CSPP1: variants seen among roughly 807,000 people sequenced by gnomAD.
CSPP1 encodes the protein centrosome and spindle pole-associated protein 1.
Under a neutral mutation model 164.4 loss-of-function variants are expected in CSPP1, and 126 were observed. The observed-to-expected ratio is 0.77, with a 90% CI of 0.66 to 0.89. The LOEUF is 0.89. Among genes scored for constraint, CSPP1 ranks in the 40% least tolerant of loss-of-function variants. The probability of loss-of-function intolerance (pLI) is 0.00; values close to 1 mark genes in which losing one functional copy is unlikely to be tolerated. For missense variants in CSPP1, 1,395 were observed against 1,449.8 expected, an observed-to-expected ratio of 0.96 and a Z score of 0.61; for synonymous variants, 472 against 476.7, an observed-to-expected ratio of 0.99 and a Z score of 0.13.
chr8:67,069,235 G>A (rs1183234524), intron 1 of CSPP1: 1 of 152,148 alleles, frequency 6.6e-6, no homozygotes, highest in African/African-American at 2.4e-5. Flanking sequence ...AAGCTCATTA[G>A]TGTCTTTGAC....
chr8:67,156,043 G>A (rs918757670), intron 19 of CSPP1, among the ~76,000 whole-genome samples: 1 of 152,162 alleles, frequency 6.6e-6, no homozygotes, highest in African/African-American at 2.4e-5. Flanking sequence ...GACCATGACA[G>A]CAGGTCATAA....
chr8:67,177,970 C>T lies in CSPP1; in HGVS notation c.3156+244C>T, dbSNP rs1473816318. 3.3e-5 allele frequency among the ~76,000 whole-genome samples: 5 copies of T among 152,142 alleles called. No homozygotes were observed. The East Asian group carries it at 9.6e-4, about 29-fold the overall frequency. On this transcript the variant is annotated intron_variant, in intron 27 of 30. Coordinates refer to ENST00000678616, the MANE Select transcript of CSPP1 (RefSeq NM_001382391.1). ...AGTGAGTCTATTTTTAGCTGCGTGA[C>T]TTAGGGCAAGTTATTTAATCTCTTT...
chr8:67,149,094 C>T (rs1476776914), intron 17 of CSPP1, among the ~76,000 whole-genome samples: 1 of 152,136 alleles, frequency 6.6e-6, no homozygotes, highest in Non-Finnish European at 1.5e-5. Flanking sequence ...TTCAATATGG[C>T]TCCCTCACAT....
intron 15 of CSPP1, among the ~76,000 whole-genome samples, chr8:67,127,799 AAT>A (rs1226473989): frequency 1.3e-5 from 2 of 152,162 alleles, no homozygotes; most frequent in East Asian, 3.8e-4. Flanking sequence ...TTCTCTGTTA[AAT>A]TTTTCTGAAG....
intron 14 of CSPP1, 120 bp from the exon 15 acceptor site, chr8:67,118,623 T>C (rs1030499765): frequency 2.6e-6 from 2 of 757,974 alleles, no homozygotes; most frequent in Non-Finnish European, 2.1e-6. Context: ...CAGAAGGAAA[T>C]ATTGATGGTT....
intron 14 of CSPP1, 145 bp from the exon 15 acceptor site, chr8:67,118,598 T>C (rs557700477): frequency 2.8e-6 from 2 of 720,882 alleles, no homozygotes; most frequent in Admixed American, 6.0e-5. Flanking sequence ...TGTTGTTCTT[T>C]GCTAACTTCT....
intron 17 of CSPP1, among the ~76,000 whole-genome samples, chr8:67,140,775 T>C (rs146801660): frequency 1.3e-5 from 2 of 152,316 alleles, no homozygotes; most frequent in Admixed American, 1.3e-4. Context: ...TTTGGGTGGT[T>C]CTCCTCCAAG....
chr8:67,146,046 T>G (rs1248702703), intron 17 of CSPP1, among the ~76,000 whole-genome samples: 1 of 152,132 alleles, frequency 6.6e-6, no homozygotes, highest in Non-Finnish European at 1.5e-5. Context: ...ATTTTCCAAG[T>G]ATCAGGGGAT....
chr8:67,088,541 G>T (rs1810902554), intron 4 of CSPP1, among the ~76,000 whole-genome samples: 1 of 150,328 alleles, frequency 6.7e-6, no homozygotes, highest in African/African-American at 2.4e-5. Context: ...GCCCACTTCG[G>T]CCTCCTAAAG....
intron 15 of CSPP1, among the ~76,000 whole-genome samples, chr8:67,122,368 C>A (rs908709036): frequency 4.6e-5 from 7 of 152,132 alleles, no homozygotes; most frequent in Non-Finnish European, 8.8e-5. Context: ...TGTATACTTA[C>A]AACTATAAGC....
Position 67,195,494 on chromosome 8 carries a change from G to A in CSPP1, c.3582G>A (p.Leu1194=), listed in dbSNP as rs1563816646. 1.2e-6 allele frequency: 2 copies of A among 1,614,090 alleles called. No individual in the cohort carries two copies. The highest frequency in any genetic ancestry group is 2.7e-5 in the African/African-American group (2 of 74,938). The change falls in exon 31 of 31, where the codon CTG becomes CTA. Residue 1194 remains leucine (L), a synonymous_variant. Coordinates refer to ENST00000678616, the MANE Select transcript of CSPP1 (RefSeq NM_001382391.1). ...PWLRPGTSET[L]KRFMAEQLNQ... The stretch of plus-strand genomic sequence containing the variant: ...TCCGCCCTGGCACTTCAGAAACGCT[G>A]AAACGTTTCATGGCAGAGCAGCTGA...
At chr8:67,171,972 C>T (rs541208675) in intron 24 of CSPP1, among the ~76,000 whole-genome samples, 42 of 152,064 alleles carry the variant, frequency 2.8e-4, no homozygotes, top group Non-Finnish European at 5.3e-4. Context: ...CTCAGCCTCC[C>T]GAGTAGCTGG....
At chr8:67,172,359 G>A in intron 24 of CSPP1, 57 bp from the exon 25 acceptor site, 1 of 1,398,818 alleles carries the variant, frequency 7.1e-7, no homozygotes, top group Non-Finnish European at 1.0e-6. Context: ...TGAATTAGAT[G>A]TGAACTCACC....
At chr8:67,159,966 C>CTTTTCTTTTCTT in intron 21 of CSPP1, among the ~76,000 whole-genome samples, 1 of 41,336 alleles carries the variant, frequency 2.4e-5, no homozygotes, top group Non-Finnish European at 3.8e-5. Context: ...TCTTTCTTTT[C>CTTTTCTTTTCTT]TTTTCTTTTC....
At chr8:67,143,470 A>G (rs909372729) in intron 17 of CSPP1, among the ~76,000 whole-genome samples, 7 of 152,114 alleles carry the variant, frequency 4.6e-5, no homozygotes, top group Non-Finnish European at 1.0e-4. Flanking sequence ...CATGTCAAGC[A>G]TGGTGGCATT....
intron 17 of CSPP1, among the ~76,000 whole-genome samples, chr8:67,145,002 G>T (rs564437812): frequency 5.3e-4 from 80 of 151,378 alleles, no homozygotes; most frequent in Non-Finnish European, 9.7e-4. Context: ...AACCCAGGAG[G>T]TGGAGGTTGC....
At chr8:67,089,774 T>G (rs887683077) in intron 4 of CSPP1, among the ~76,000 whole-genome samples, 8 of 152,134 alleles carry the variant, frequency 5.3e-5, no homozygotes, top group African/African-American at 1.9e-4. Context: ...AAACTCACTA[T>G]GTTGTTCTTT....
In CSPP1 at chr8:67,154,036, C is replaced by G; in HGVS notation, c.2141C>G (p.Thr714Arg). 1 of 1,586,824 alleles carries G rather than the reference C, an allele frequency of 6.3e-7. No homozygotes were observed. Residue 714 changes from threonine to arginine, a missense_variant, in exon 19 of 31, where the codon ACA (threonine) becomes AGA (arginine). Coordinates refer to ENST00000678616, the MANE Select transcript of CSPP1 (RefSeq NM_001382391.1). ...AANKSSGHMQ[T>R]QSSPFARGNV... ...TATTTCTTTCAAGGTCATATGCAAA[C>G]ACAGAGCTCTCCTTTTGCTCGGGGA... is the stretch of plus-strand genomic sequence containing the variant.
In CSPP1 at chr8:67,195,792, ATAGAT is replaced by A. The variant is rs1432693867; in HGVS notation, c.*202_*206del. The A allele has an allele frequency of 1.8e-6, 1 of 549,352 alleles. No homozygotes were observed. The highest frequency in any genetic ancestry group is 3.3e-6 in the Non-Finnish European group (1 of 307,250). 34.0% of individuals were successfully genotyped at this position (549,352 alleles called of 1,614,324 possible). ...TTATTGATTTATATAATAGAATTGT[ATAGAT>A]TATTTTTGCACAGTTTTGTCATAAA... On this transcript the variant is annotated 3_prime_UTR_variant, in exon 31 of 31. Coordinates refer to ENST00000678616, the MANE Select transcript of CSPP1 (RefSeq NM_001382391.1).
Sources: allele counts gnomAD v4.1 joint callset (sites outside exome capture counted in the v4.1 genomes callset), GRCh38; gene constraint gnomAD v4.1.1; transcripts MANE v1.5; gene names NCBI Gene and HGNC (gene_info 2026-07-23, HGNC 2026-07-21).